GNA11: variants seen among roughly 807,000 people sequenced by gnomAD.
GNA11 encodes the protein G protein subunit alpha 11.
Under a neutral mutation model 38.2 loss-of-function variants are expected in GNA11, and 8 were observed. The ratio of observed to expected loss-of-function variants is 0.21; its 90% CI spans 0.12 to 0.38. The LOEUF is 0.38. GNA11 is among the 10% of genes least tolerant of loss of function. The pLI, the probability that GNA11 is intolerant of heterozygous loss-of-function variation, is 1.00. For synonymous variants in GNA11, 211 were observed against 221.4 expected, an observed-to-expected ratio of 0.95 and a Z score of 0.42; for missense variants, 268 against 516.3, an observed-to-expected ratio of 0.52 and a Z score of 4.66.
chr19:3,122,702 G>A lies in GNA11; in HGVS notation c.*1523G>A. The A allele has an allele frequency of 4.3e-6, 1 of 233,538 alleles. No homozygotes were observed. Among genetic ancestry groups the A allele is most frequent in the African/African-American group, 2.2e-5 (1 of 45,468 alleles). The allele number at this position is 233,538 out of a possible 1,614,324, so 14.5% of individuals were successfully genotyped here. On this transcript the variant is annotated 3_prime_UTR_variant, in exon 7 of 7. Transcript: ENST00000078429. The surrounding 1 kb of genome is among the most constrained non-coding windows in gnomAD (Gnocchi z 7.7). ...CCGCCGCCACACCGGGACCCTGCAC[G>A]GCTGCTTCTGGCCTCGACAGATGAC...
In GNA11 at chr19:3,094,909, C is replaced by A. The variant is rs1210144035; in HGVS notation, c.136+122C>A. On this transcript the variant is annotated intron_variant, in intron 1 of 6. Coordinates refer to ENST00000078429, the MANE Select transcript of GNA11 (RefSeq NM_002067.5). This position sits in a 1 kb window ranked among gnomAD's most constrained non-coding sequence, Gnocchi z 6.0. ...TGCCTGTGCCGTCCGGGTCGCGAGA[C>A]CCTCCGGGGTCAGCCCTGCCTGTGC... is the stretch of plus-strand genomic sequence containing the variant. 6.3e-6 allele frequency: 4 copies of A among 633,444 alleles called. No homozygotes were observed. The highest frequency in any genetic ancestry group is 9.6e-6 in the Non-Finnish European group (4 of 416,636). The allele number at this position is 633,444 out of a possible 1,614,324, so 39.2% of individuals were successfully genotyped here.
At position 3,122,853 on chromosome 19, in the gene GNA11, C is replaced by T. The variant is rs1428581955; in HGVS notation, c.*1674C>T. ...CTGCTGGCTTCTGGGGGCAGAAGAG[C>T]GGGGAGCCCCGTGGAAGGGTCAGGG... is the stretch of plus-strand genomic sequence containing the variant. On this transcript the variant is annotated 3_prime_UTR_variant, in exon 7 of 7. Transcript: ENST00000078429. This position sits in a 1 kb window ranked among gnomAD's most constrained non-coding sequence, Gnocchi z 7.7. 4 of 233,338 alleles carry T rather than the reference C, an allele frequency of 1.7e-5. No homozygotes were observed. The highest frequency in any genetic ancestry group is 1.2e-4 in the East Asian group (2 of 16,590). The allele number at this position is 233,338 out of a possible 1,614,324, so 14.5% of individuals were successfully genotyped here. A position where few individuals can be genotyped will look rare whatever the true frequency, so the allele number is the denominator to read the frequency against.
At chr19:3,098,296 G>A (rs1458182971) in intron 1 of GNA11, among the ~76,000 whole-genome samples, 1 of 152,206 alleles carries the variant, frequency 6.6e-6, no homozygotes, top group African/African-American at 2.4e-5. Flanking sequence ...CTCCGTCCGC[G>A]CCGCCGCCAT....
intron 4 of GNA11, 94 bp from the exon 5 acceptor site, chr19:3,118,830 T>G (rs1057326430): frequency 9.0e-7 from 1 of 1,117,246 alleles, no homozygotes; most frequent in Non-Finnish European, 1.3e-6. Context: ...GTCAGTCTGG[T>G]GTGGCAGGAG....
In GNA11 at chr19:3,121,466, A is replaced by AAG; in HGVS notation, c.*288_*289insGA. 3.9e-6 allele frequency: 1 copy of AAG among 258,102 alleles called. No individual in the cohort carries two copies. Among genetic ancestry groups the AAG allele is most frequent in the South Asian group, 1.3e-4 (1 of 7,728 alleles). 16.0% of individuals were successfully genotyped at this position (258,102 alleles called of 1,614,324 possible). The stretch of plus-strand genomic sequence containing the variant: ...GCTCGCTTTTTTCTAAAAAAAAAAA[A>AAG]AAAAGAAAGAAAGAAAAAAAGCAAC... On this transcript the variant is annotated 3_prime_UTR_variant, in exon 7 of 7. Coordinates refer to ENST00000078429, the MANE Select transcript of GNA11 (RefSeq NM_002067.5).
chr19:3,110,128 C>T lies in GNA11; in HGVS notation c.137-21C>T, dbSNP rs2145315382. 2 of 1,577,484 alleles carry T rather than the reference C, an allele frequency of 1.3e-6. No individual in the cohort carries two copies. Among genetic ancestry groups the T allele is most frequent in the Non-Finnish European group, 1.7e-6 (2 of 1,162,284 alleles). On this transcript the variant is annotated intron_variant, in intron 1 of 6. Transcript: ENST00000078429. The surrounding 1 kb of genome is among the most constrained non-coding windows in gnomAD (Gnocchi z 5.4). Reference sequence around the variant, plus strand: ...AGTCAGGCCCCGGCTGCCGCCCGCCCTCACGTGCCCCGTCCCCCAGGCACG... The same window carrying T: ...AGTCAGGCCCCGGCTGCCGCCCGCCTTCACGTGCCCCGTCCCCCAGGCACG...
At chr19:3,106,443 C>T (rs770537808) in intron 1 of GNA11, among the ~76,000 whole-genome samples, 5 of 152,230 alleles carry the variant, frequency 3.3e-5, no homozygotes, top group African/African-American at 9.6e-5. Context: ...TCCAGAGCCT[C>T]GCCCTTGGCC....
Position 3,101,184 on chromosome 19 carries a change from T to A in GNA11, c.136+6397T>A, listed in dbSNP as rs183999464. Among the ~76,000 whole-genome samples the A allele has an allele frequency of 3.3e-5, 5 of 152,154 alleles. No individual in the cohort carries two copies. The East Asian group carries it at 9.7e-4, about 29-fold the overall frequency. ...TGGGGTGGGGGGCTGAAGGGTGTGG[T>A]CAAACTGGAGGGCGCTGTGTCTGTT... On this transcript the variant is annotated intron_variant, in intron 1 of 6. Transcript: ENST00000078429.
At chr19:3,097,581 G>C (rs796269427) in intron 1 of GNA11, among the ~76,000 whole-genome samples, 2 of 152,236 alleles carry the variant, frequency 1.3e-5, no homozygotes, top group Non-Finnish European at 2.9e-5. Flanking sequence ...GCGTCTGCTC[G>C]CTCTCATCCA....
intron 4 of GNA11, chr19:3,117,375 C>T (rs1396705511): frequency 6.6e-6 from 1 of 152,524 alleles, no homozygotes; most frequent in African/African-American, 2.4e-5. Flanking sequence ...CTTCCCAGCT[C>T]CAGCTGTGCC....
At position 3,110,205 on chromosome 19, in the gene GNA11, G is replaced by T. The variant is rs147528229; in HGVS notation, c.193G>T (p.Ala65Ser). ...FIKQMRIIHG[A>S]GYSEEDKRGF... ...CAAGCAGATGCGCATCATCCACGGC[G>T]CCGGCTACTCGGAGGAGGACAAGCG... The change falls in exon 2 of 7, where the codon GCC becomes TCC. Residue 65 changes from alanine (A) to serine (S), a missense_variant. Physicochemically the swap from Ala to Ser is moderately conservative, Grantham distance 99 (BLOSUM62 1). Transcript: ENST00000078429. This position sits in a 1 kb window ranked among gnomAD's most constrained non-coding sequence, Gnocchi z 5.4. 1.9e-6 allele frequency: 3 copies of T among 1,613,626 alleles called. No homozygotes were observed. The South Asian group carries it at 3.3e-5, about 18-fold the overall frequency.
chr19:3,118,914 G>T lies in GNA11; in HGVS notation c.606-10G>T. The T allele has an allele frequency of 6.2e-7, 1 of 1,607,308 alleles. No individual in the cohort carries two copies. The highest frequency in any genetic ancestry group is 8.5e-7 in the Non-Finnish European group (1 of 1,178,946). ...CCAGGTGGCTGAGTCCTGGCGCTGT[G>T]TCCTTTCAGGATGGTGGATGTGGGG... On this transcript the variant is annotated splice_polypyrimidine_tract_variant and intron_variant, in intron 4 of 6. Transcript: ENST00000078429.
Position 3,095,811 on chromosome 19 carries a change from G to GC in GNA11, c.136+1030dup, listed in dbSNP as rs1427267496. ...CCACGCTGAGTCCTCGTTGAGAGCA[G>GC]CCCCCCACCTGCCGGCTCCTCCCCA... On this transcript the variant is annotated intron_variant, in intron 1 of 6. Coordinates refer to ENST00000078429, the MANE Select transcript of GNA11 (RefSeq NM_002067.5). Among the ~76,000 whole-genome samples, 3 of 152,130 alleles carry GC rather than the reference G, an allele frequency of 2.0e-5. No homozygotes were observed. The East Asian group carries it at 5.8e-4, about 29-fold the overall frequency.
At chr19:3,103,550 T>TTTTTGGG (rs1913559902) in intron 1 of GNA11, among the ~76,000 whole-genome samples, 1 of 85,618 alleles carries the variant, frequency 1.2e-5, no homozygotes. Flanking sequence ...TTTTTTTTTT[T>TTTTTGGG]GAGACAAGGT....
At chr19:3,116,589 C>T (rs564433782) in intron 4 of GNA11, among the ~76,000 whole-genome samples, 37 of 152,378 alleles carry the variant, frequency 2.4e-4, no homozygotes, top group African/African-American at 8.9e-4. Context: ...GCCAGGGCCA[C>T]CCTACCTCTG....
intron 4 of GNA11, chr19:3,117,889 G>A (rs1162155579): frequency 6.6e-6 from 1 of 152,328 alleles, no homozygotes; most frequent in Non-Finnish European, 1.5e-5. Flanking sequence ...GACAAGACAC[G>A]GGGGGACCCG....
intron 2 of GNA11, among the ~76,000 whole-genome samples, chr19:3,112,146 C>G (rs1391915903): frequency 6.6e-6 from 1 of 152,248 alleles, no homozygotes; most frequent in Non-Finnish European, 1.5e-5. Flanking sequence ...GCTGGGTGTG[C>G]TCTCTGGCTC....
chr19:3,111,052 C>T (rs1913762977), intron 2 of GNA11, among the ~76,000 whole-genome samples: 1 of 152,078 alleles, frequency 6.6e-6, no homozygotes, highest in South Asian at 2.1e-4. Flanking sequence ...CTTTGGCCTC[C>T]CAAAGTGCTG....
chr19:3,100,070 G>T (rs946360485), intron 1 of GNA11, among the ~76,000 whole-genome samples: 25 of 152,368 alleles, frequency 1.6e-4, no homozygotes, highest in South Asian at 8.3e-4. Flanking sequence ...CACCTGGCGT[G>T]TGTGGCACAC....
Sources: gnomAD v4.1 joint callset for allele counts (sites outside exome capture counted in the v4.1 genomes callset) on GRCh38, gnomAD v4.1.1 for gene constraint, Gnocchi (gnomAD v3.1) non-coding constraint, MANE v1.5 for transcripts, NCBI Gene and HGNC (gene_info 2026-07-23, HGNC 2026-07-21) for gene names.